MTRFR: variants seen among roughly 807,000 people sequenced by gnomAD.
MTRFR encodes mitochondrial translation release factor in rescue.
In MTRFR, 10 loss-of-function variants were observed where a neutral mutation model predicts 11.9. That is an observed-to-expected ratio of 0.84 (90% confidence interval 0.52 to 1.42). The LOEUF (loss-of-function observed/expected upper bound fraction) is 1.42, where lower values mean the gene tolerates loss of function less well. MTRFR is among the 40% of genes most tolerant of loss of function. The pLI, the probability that MTRFR is intolerant of heterozygous loss-of-function variation, is 0.00. For synonymous variants in MTRFR, 77 were observed against 79.1 expected, an observed-to-expected ratio of 0.97 and a Z score of 0.14; for missense variants, 196 against 197.9, an observed-to-expected ratio of 0.99 and a Z score of 0.06.
At chr12:123,234,967 C>A (rs1010437126) in intron 1 of MTRFR, among the ~76,000 whole-genome samples, 3 of 152,036 alleles carry the variant, frequency 2.0e-5, no homozygotes, top group African/African-American at 7.2e-5. Context: ...TAAATTGGAC[C>A]ATACCAAGTA....
intron 1 of MTRFR, among the ~76,000 whole-genome samples, chr12:123,236,177 G>C (rs1208174528): frequency 6.6e-6 from 1 of 152,188 alleles, no homozygotes; most frequent in Non-Finnish European, 1.5e-5. Context: ...ACAAGGTGTA[G>C]AAAGGATAAT....
Position 123,257,327 on chromosome 12 carries a change from C to A in MTRFR, c.*296C>A. 1 of 311,034 alleles carries A rather than the reference C, an allele frequency of 3.2e-6. No homozygotes were observed. Among genetic ancestry groups the A allele is most frequent in the Non-Finnish European group, 6.1e-6 (1 of 164,720 alleles). The allele number at this position is 311,034 out of a possible 1,614,324, so 19.3% of individuals were successfully genotyped here. On this transcript the variant is annotated 3_prime_UTR_variant, in exon 3 of 3. Transcript: ENST00000253233. ...GTCAGGAGTTTGAGACCAGCCTGGC[C>A]AACATGGTGAAACCCCGTCTCTACT...
chr12:123,253,418 G>A (rs1472792908), intron 1 of MTRFR: 1 of 488,934 alleles, frequency 2.0e-6, no homozygotes, highest in Non-Finnish European at 3.7e-6. Context: ...TCTATTGCAA[G>A]AAAATATGTA....
At chr12:123,247,459 A>T (rs2048058593) in intron 1 of MTRFR, among the ~76,000 whole-genome samples, 1 of 152,184 alleles carries the variant, frequency 6.6e-6, no homozygotes, top group African/African-American at 2.4e-5. Context: ...CTGATACAAG[A>T]ATAGCTACCC....
chr12:123,245,109 C>T (rs570635523), intron 1 of MTRFR, among the ~76,000 whole-genome samples: 9 of 151,322 alleles, frequency 5.9e-5, no homozygotes, highest in East Asian at 3.9e-4. Flanking sequence ...CCACTGCGCC[C>T]GGCTAATTTT....
chr12:123,245,833 G>A (rs765835489), intron 1 of MTRFR, among the ~76,000 whole-genome samples: 7 of 152,060 alleles, frequency 4.6e-5, no homozygotes, highest in African/African-American at 4.8e-5. Flanking sequence ...CAAGGTAAAC[G>A]ATCACATCAT....
chr12:123,233,279 A>T (rs1391970670), upstream of MTRFR: 6 of 152,046 alleles, frequency 3.9e-5, no homozygotes, highest in Non-Finnish European at 7.3e-5. Flanking sequence ...ACCCCGGGGG[A>T]GTGACAAGGG....
intron 1 of MTRFR, among the ~76,000 whole-genome samples, chr12:123,246,831 C>T (rs1168634458): frequency 2.0e-5 from 3 of 147,810 alleles, no homozygotes; most frequent in Non-Finnish European, 3.0e-5. Flanking sequence ...CCCGGGTTCA[C>T]GCCATTCTCC....
At position 123,253,731 on chromosome 12, in the gene MTRFR, G is replaced by A. The variant is rs749569183; in HGVS notation, c.57G>A (p.Ala19=). ...CACCACTGACCCGAATATGCCCGGC[G>A]CCATGGGGACTCCGGCTTTGGGAGA... The part of the protein sequence containing the change: ...FPTPLTRICP[A]PWGLRLWEKL... Residue 19 remains alanine, a synonymous_variant, in exon 2 of 3, where the codon GCG becomes GCA. Coordinates refer to ENST00000253233, the MANE Select transcript of MTRFR (RefSeq NM_152269.5). The A allele has an allele frequency of 1.3e-5, 21 of 1,614,014 alleles. No homozygotes were observed. Among genetic ancestry groups the A allele is most frequent in the East Asian group, 4.5e-5 (2 of 44,890 alleles).
chr12:123,243,356 C>T (rs2047975353), intron 1 of MTRFR, among the ~76,000 whole-genome samples: 1 of 152,072 alleles, frequency 6.6e-6, no homozygotes, highest in South Asian at 2.1e-4. Flanking sequence ...TGGCAAAACC[C>T]CGTCTCTACT....
At chr12:123,244,074 G>T (rs1593278553) in intron 1 of MTRFR, 1 of 152,108 alleles carries the variant, frequency 6.6e-6, no homozygotes, top group East Asian at 1.9e-4. Context: ...CATGACTACA[G>T]TTTATGAGGT....
At chr12:123,241,326 G>C (rs2047933287) in intron 1 of MTRFR, among the ~76,000 whole-genome samples, 2 of 151,528 alleles carry the variant, frequency 1.3e-5, no homozygotes, top group Admixed American at 1.3e-4. Context: ...TTATTTTACT[G>C]TTTTTTGTTG....
In MTRFR at chr12:123,257,280, C is replaced by A; in HGVS notation, c.*249C>A. ...CTGTAATCCCAGCACTTTGGGAGGC[C>A]GAGGCGGGCGGATCACTTGAGGTCA... On this transcript the variant is annotated 3_prime_UTR_variant, in exon 3 of 3. Coordinates refer to ENST00000253233, the MANE Select transcript of MTRFR (RefSeq NM_152269.5). 2.4e-6 allele frequency: 1 copy of A among 416,382 alleles called. No homozygotes were observed. The highest frequency in any genetic ancestry group is 2.5e-5 in the South Asian group (1 of 39,930). 25.8% of individuals were successfully genotyped at this position (416,382 alleles called of 1,614,324 possible).
chr12:123,255,152 T>A (rs1374967394), intron 2 of MTRFR: 1 of 152,188 alleles, frequency 6.6e-6, no homozygotes, highest in Non-Finnish European at 1.5e-5. Context: ...TGTTCATGAT[T>A]TCCATCACAG....
At chr12:123,239,426 CAG>C (rs1433141903) in intron 1 of MTRFR, among the ~76,000 whole-genome samples, 4 of 151,560 alleles carry the variant, frequency 2.6e-5, no homozygotes, top group African/African-American at 4.8e-5. Context: ...TTTTTTGAGA[CAG>C]AGTTTCACTC....
At chr12:123,247,139 G>C (rs1404028892) in intron 1 of MTRFR, among the ~76,000 whole-genome samples, 1 of 152,114 alleles carries the variant, frequency 6.6e-6, no homozygotes, top group Admixed American at 6.6e-5. Context: ...GCAGTTGTTG[G>C]ATGAAATGTT....
At chr12:123,247,122 A>G (rs1270008990) in intron 1 of MTRFR, among the ~76,000 whole-genome samples, 1 of 152,126 alleles carries the variant, frequency 6.6e-6, no homozygotes, top group African/African-American at 2.4e-5. Context: ...AATAGAATGT[A>G]TATTCTGCAG....
chr12:123,246,952 A>G (rs1303881558), intron 1 of MTRFR, among the ~76,000 whole-genome samples: 1 of 151,028 alleles, frequency 6.6e-6, no homozygotes, highest in East Asian at 2.0e-4. Context: ...GATGGTCTCA[A>G]TCTCCCGACC....
At chr12:123,253,274 G>A in intron 1 of MTRFR, 1 of 279,074 alleles carries the variant, frequency 3.6e-6, no homozygotes, top group South Asian at 3.5e-5. Flanking sequence ...TCCTGACCTT[G>A]TGATCCACCT....
Sources: allele counts gnomAD v4.1 joint callset (sites outside exome capture counted in the v4.1 genomes callset), GRCh38; gene constraint gnomAD v4.1.1; transcripts MANE v1.5; gene names NCBI Gene and HGNC (gene_info 2026-07-23, HGNC 2026-07-21).